Variants in DGKB observed in about 807,000 individuals in gnomAD.
DGKB encodes diacylglycerol kinase beta.
A neutral mutation model predicts 114.3 loss-of-function variants in DGKB; 67 were observed. The ratio of observed to expected loss-of-function variants is 0.59; its 90% CI spans 0.48 to 0.72. The LOEUF is 0.72. Ranked by LOEUF, DGKB falls within the 30% of genes least tolerant of loss-of-function variation. The pLI is 0.00. For missense variants in DGKB, 907 were observed against 975.2 expected (o/e 0.93, Z 0.93); for synonymous variants, 398 against 323.1 (o/e 1.23, Z -2.49).
chr7:14,913,175 G>C (rs1784077346), intron 1 of DGKB, among the ~76,000 whole-genome samples: 1 of 151,916 alleles, frequency 6.6e-6, no homozygotes. Flanking sequence ...TCTCTGCCCT[G>C]AAAGATTGAT....
chr7:14,565,739 A>C (rs149339917), intron 20 of DGKB, among the ~76,000 whole-genome samples: 1 of 152,026 alleles, frequency 6.6e-6, no homozygotes, highest in African/African-American at 2.4e-5. Context: ...TTCAGTATCC[A>C]TGGCTCTTAG....
At chr7:14,285,780 C>T (rs1562840828) in intron 23 of DGKB, among the ~76,000 whole-genome samples, 1 of 152,062 alleles carries the variant, frequency 6.6e-6, no homozygotes, top group Non-Finnish European at 1.5e-5. Context: ...AAACAAAGAA[C>T]ACAGTTATGA....
In DGKB at chr7:14,211,287, C is replaced by CTCTCGTGT. The variant is rs1287187402; in HGVS notation, c.2123-33137_2123-33136insACACGAGA. Among the ~76,000 whole-genome samples, 430 of 61,290 alleles carry CTCTCGTGT rather than the reference C, an allele frequency of 7.0e-3. 28 individuals carry two copies. The highest frequency in any genetic ancestry group is 0.024 in the East Asian group (38 of 1,554). The allele number at this position is 61,290 out of a possible 152,430, so 40.2% of individuals were successfully genotyped here. ...ATGAAGTCTCTTTCCTTAGCCTCTA[C>CTCTCGTGT]TATGTGATATTTACTCTCATGTTTT... On this transcript the variant is annotated intron_variant, in intron 23 of 25. Transcript: ENST00000402815.
At chr7:14,301,305 TG>T (rs1396111681) in intron 23 of DGKB, among the ~76,000 whole-genome samples, 4 of 152,104 alleles carry the variant, frequency 2.6e-5, no homozygotes, top group Admixed American at 2.6e-4. Flanking sequence ...TGATCCACAG[TG>T]CAACTTTTCT....
chr7:14,528,966 C>T (rs1246600408), intron 20 of DGKB, among the ~76,000 whole-genome samples: 1 of 151,952 alleles, frequency 6.6e-6, no homozygotes, highest in African/African-American at 2.4e-5. Flanking sequence ...GTCTACTGCA[C>T]TGGGATTCAG....
chr7:14,151,203 A>G (rs1273245831), intron 25 of DGKB, among the ~76,000 whole-genome samples: 1 of 152,078 alleles, frequency 6.6e-6, no homozygotes, highest in Non-Finnish European at 1.5e-5. Context: ...TCGGGTTCAT[A>G]ATTTCTGGAC....
intron 23 of DGKB, among the ~76,000 whole-genome samples, chr7:14,279,034 C>G (rs993571322): frequency 4.6e-5 from 7 of 152,090 alleles, no homozygotes; most frequent in Non-Finnish European, 8.8e-5. Context: ...GCACCGTGAG[C>G]GAGCCGAAGC....
At chr7:14,330,959 T>A (rs535995282) in intron 23 of DGKB, among the ~76,000 whole-genome samples, 1 of 152,094 alleles carries the variant, frequency 6.6e-6, no homozygotes, top group South Asian at 2.1e-4. Context: ...TTCTCTAACT[T>A]TTTATTACTT....
At chr7:14,828,395 A>G (rs987574304) in intron 2 of DGKB, among the ~76,000 whole-genome samples, 1 of 152,138 alleles carries the variant, frequency 6.6e-6, no homozygotes, top group African/African-American at 2.4e-5. Flanking sequence ...AAAGATCATA[A>G]ATCAACTCAT....
At chr7:14,871,489 T>C (rs1852448769) in intron 1 of DGKB, among the ~76,000 whole-genome samples, 1 of 152,148 alleles carries the variant, frequency 6.6e-6, no homozygotes, top group African/African-American at 2.4e-5. Flanking sequence ...TCCAATTTAC[T>C]ATCCACAGAG....
intron 2 of DGKB, among the ~76,000 whole-genome samples, chr7:14,798,959 G>A (rs562292308): frequency 2.0e-3 from 308 of 152,298 alleles, no homozygotes; most frequent in Non-Finnish European, 3.2e-3. Context: ...GCGTCCCTGA[G>A]GGATTACAGA....
intron 25 of DGKB, among the ~76,000 whole-genome samples, chr7:14,165,164 TCAGACTA>T (rs923733706): frequency 5.9e-5 from 9 of 152,164 alleles, no homozygotes; most frequent in African/African-American, 2.2e-4. Flanking sequence ...ATTTTTAACC[TCAGACTA>T]CATTGAATTT....
chr7:14,542,347 C>T (rs1793600504), intron 20 of DGKB, among the ~76,000 whole-genome samples: 1 of 152,046 alleles, frequency 6.6e-6, no homozygotes, highest in Non-Finnish European at 1.5e-5. Flanking sequence ...TCATCTCCTT[C>T]TCCTCTGCAT....
At chr7:14,194,580 G>A (rs946598554) in intron 23 of DGKB, among the ~76,000 whole-genome samples, 2 of 152,190 alleles carry the variant, frequency 1.3e-5, no homozygotes, top group South Asian at 4.1e-4. Context: ...CTAGCAGTGT[G>A]AAATGTTGCA....
chr7:14,937,366 G>A (rs1011375021), intron 1 of DGKB, among the ~76,000 whole-genome samples: 1 of 151,728 alleles, frequency 6.6e-6, no homozygotes, highest in Non-Finnish European at 1.5e-5. Context: ...AAGAATCCAG[G>A]TACATTGCAT....
chr7:14,544,496 CTTAT>C (rs1793974666), intron 20 of DGKB, among the ~76,000 whole-genome samples: 1 of 152,038 alleles, frequency 6.6e-6, no homozygotes, highest in African/African-American at 2.4e-5. Context: ...ACTTAAATTA[CTTAT>C]TAAGTTACAT....
chr7:14,925,180 G>T (rs1375131613), intron 1 of DGKB, among the ~76,000 whole-genome samples: 2 of 152,160 alleles, frequency 1.3e-5, no homozygotes, highest in Non-Finnish European at 2.9e-5. Context: ...TCCACTGAAG[G>T]ATACCTAAGT....
chr7:14,203,468 C>A (rs1786233435), intron 23 of DGKB, among the ~76,000 whole-genome samples: 1 of 151,880 alleles, frequency 6.6e-6, no homozygotes, highest in South Asian at 2.1e-4. Flanking sequence ...ACATGTAAAA[C>A]CAGAATATTT....
chr7:14,174,531 G>A (rs903054950), intron 25 of DGKB, among the ~76,000 whole-genome samples: 1 of 152,052 alleles, frequency 6.6e-6, no homozygotes, highest in South Asian at 2.1e-4. Flanking sequence ...ATTCATGGAC[G>A]CTAGTTGGTT....
Sources: allele counts gnomAD v4.1 joint callset (sites outside exome capture counted in the v4.1 genomes callset), GRCh38; gene constraint gnomAD v4.1.1; transcripts MANE v1.5; gene names NCBI Gene and HGNC (gene_info 2026-07-23, HGNC 2026-07-21).